The following XCR1 variants were observed in gnomAD, a reference collection of about 807,000 sequenced individuals.
XCR1 encodes X-C motif chemokine receptor 1, also known as chemokine XC receptor 1.
For synonymous variants in XCR1, 187 were observed against 188.5 expected, an observed-to-expected ratio of 0.99 and a Z score of 0.06; for missense variants, 356 against 424.2, an observed-to-expected ratio of 0.84 and a Z score of 1.41.
intron 1 of XCR1, chr3:46,022,335 C>CA (rs1484209013): frequency 5.9e-6 from 1 of 169,238 alleles, no homozygotes; most frequent in Non-Finnish European, 1.3e-5. Context: ...AAAAAGATGC[C>CA]AGACTCTTAG....
rs748003497 is a variant in XCR1 at position 46,021,418 on chromosome 3, T to C, written c.530A>G (p.Tyr177Cys). The change falls in exon 2 of 2, where the codon TAT (tyrosine) becomes TGT (cysteine). Residue 177 changes from tyrosine to cysteine, a missense_variant. Tyr to Cys is a radical substitution (Grantham distance 194). Transcript: ENST00000309285. This position sits in a 1 kb window ranked among gnomAD's most constrained non-coding sequence, Gnocchi z 4.7. ...GGTGAGGTACCACGTGAGTTCGGAA[T>C]AATCACAGCCCGAAGAAAGCACCTT... The part of the protein sequence containing the change: ...FHKVLSSGCD[Y>C]SELTWYLTSV... The C allele has an allele frequency of 6.2e-7, 1 of 1,614,030 alleles. No homozygotes were observed. Among genetic ancestry groups the C allele is most frequent in the Middle Eastern group, 1.6e-4 (1 of 6,062 alleles).
At chr3:46,029,644 C>T (rs770979826), upstream of XCR1, among the ~76,000 whole-genome samples, 1 of 152,148 alleles carries the variant, frequency 6.6e-6, no homozygotes, top group African/African-American at 2.4e-5. Flanking sequence ...GATTAAAGAG[C>T]CAGATGCAAG....
intron 5 of XCR1, among the ~76,000 whole-genome samples, chr3:46,034,033 C>T (rs774651261): frequency 6.6e-6 from 1 of 151,834 alleles, no homozygotes; most frequent in African/African-American, 2.4e-5. Context: ...AGTGCAGTGG[C>T]GTGATCCTGG....
At position 46,038,800 on chromosome 3, in the gene XCR1, AT is replaced by A. The variant is rs767319995; in HGVS notation, c.-32+15119del. 7.2e-5 allele frequency among the ~76,000 whole-genome samples: 11 copies of A among 152,378 alleles called. No individual in the cohort carries two copies. The South Asian group carries it at 1.4e-3, about 20-fold the overall frequency. Reference sequence around the variant, plus strand: ...GTAGGTGAGAATAATTTCCAAGGTAATTCAATTCAATCAACAATTTGAGTTG... The same window carrying A: ...GTAGGTGAGAATAATTTCCAAGGTAATCAATTCAATCAACAATTTGAGTTG... On this transcript the variant is annotated intron_variant, in intron 5 of 5. Transcript: ENST00000683768.
intron 1 of XCR1, chr3:46,024,079 C>G: frequency 1.1e-6 from 1 of 903,228 alleles, no homozygotes; most frequent in East Asian, 2.4e-5. Flanking sequence ...CAGTCTTCCT[C>G]CCTTGGATTT....
At chr3:46,022,091 G>C in intron 1 of XCR1, 113 bp from the exon 2 acceptor site, 14 of 949,934 alleles carry the variant, frequency 1.5e-5, no homozygotes, top group Non-Finnish European at 2.2e-5. Context: ...CTTGACCCCA[G>C]GAGTTTGAGA....
chr3:46,082,051 A>G (rs529194665), intron 1 of XCR1, among the ~76,000 whole-genome samples: 1 of 152,298 alleles, frequency 6.6e-6, no homozygotes, highest in Non-Finnish European at 1.5e-5. Context: ...CTGTGCCACT[A>G]AACTTAAAGG....
chr3:46,057,898 A>G (rs58260031), intron 4 of XCR1, among the ~76,000 whole-genome samples: 11,971 of 98,328 alleles, frequency 0.12, 601 homozygotes, highest in African/African-American at 0.29. Context: ...CTATCTATCT[A>G]TCTATCTATC....
chr3:46,063,369 G>T (rs191216811), intron 4 of XCR1, among the ~76,000 whole-genome samples: 1 of 152,290 alleles, frequency 6.6e-6, no homozygotes, highest in East Asian at 1.9e-4. Flanking sequence ...GCTTGGCAGG[G>T]CACACAGCCG....
intron 4 of XCR1, among the ~76,000 whole-genome samples, chr3:46,056,796 C>A (rs1254856608): frequency 6.6e-6 from 1 of 151,992 alleles, no homozygotes; most frequent in African/African-American, 2.4e-5. Context: ...CTGGCAGCTT[C>A]TTTGAAAGTT....
chr3:46,036,937 T>C (rs563757520), intron 5 of XCR1, among the ~76,000 whole-genome samples: 2 of 152,242 alleles, frequency 1.3e-5, no homozygotes, highest in East Asian at 1.9e-4. Context: ...AAATAAAAAA[T>C]GTGAGTAAGT....
In XCR1 at chr3:46,084,454, A is replaced by G. The variant is rs931203814; in HGVS notation, c.-515+1340T>C. Among the ~76,000 whole-genome samples, 28 of 152,230 alleles carry G rather than the reference A, an allele frequency of 1.8e-4. 1 individual carries two copies. The highest frequency in any genetic ancestry group is 6.5e-4 in the African/African-American group (27 of 41,444). ...TAATTACCTCTTGAAGCCACTTGCT[A>G]TGTGGACTCTAGACTAACTGATGCC... On this transcript the variant is annotated intron_variant, in intron 1 of 5. Transcript: ENST00000683768.
At chr3:46,060,411 T>C (rs1697938373) in intron 4 of XCR1, among the ~76,000 whole-genome samples, 2 of 152,248 alleles carry the variant, frequency 1.3e-5, no homozygotes, top group South Asian at 4.1e-4. Context: ...AAATATACTT[T>C]GTCTTCTTCT....
At chr3:46,029,740 T>G (rs1708364284), upstream of XCR1, among the ~76,000 whole-genome samples, 1 of 152,248 alleles carries the variant, frequency 6.6e-6, no homozygotes, top group South Asian at 2.1e-4. Context: ...GCATCGAATT[T>G]GTAGATCAGT....
intron 3 of XCR1, among the ~76,000 whole-genome samples, chr3:46,074,292 T>C (rs998146855): frequency 1.4e-5 from 2 of 141,930 alleles, no homozygotes; most frequent in African/African-American, 5.3e-5. Flanking sequence ...GGCACAATCA[T>C]GACTCATTGC....
In XCR1 at chr3:46,080,171, C is replaced by A. The variant is rs1224191619; in HGVS notation, c.-514-3245G>T. Among the ~76,000 whole-genome samples the A allele has an allele frequency of 1.0e-4, 14 of 137,558 alleles. No homozygotes were observed. In the East Asian group the frequency reaches 1.8e-3, roughly 18 times the overall value. The allele number at this position is 137,558 out of a possible 152,430, so 90.2% of individuals were successfully genotyped here. On this transcript the variant is annotated intron_variant, in intron 1 of 5. Coordinates refer to the XCR1 transcript ENST00000683768. ...CTGTACTCTGGCCTGGGCAACAGAACAAGTCCTTGTCTCAAAAAAAAAAAA... is the reference window on the plus strand; with the variant it reads ...CTGTACTCTGGCCTGGGCAACAGAAAAAGTCCTTGTCTCAAAAAAAAAAAA...
Position 46,055,061 on chromosome 3 carries a change from G to A in XCR1, c.-182-991C>T, listed in dbSNP as rs527889736. On this transcript the variant is annotated intron_variant, in intron 4 of 5. Coordinates refer to the XCR1 transcript ENST00000683768. Reference sequence around the variant, plus strand: ...TATATCCCTTGTTGCCCTCTGCAGTGTATTGAGTTCAGGCCAGGAAGAAGT... The same window carrying A: ...TATATCCCTTGTTGCCCTCTGCAGTATATTGAGTTCAGGCCAGGAAGAAGT... 1.2e-3 allele frequency among the ~76,000 whole-genome samples: 182 copies of A among 152,358 alleles called. 2 individuals are homozygous for A. The highest frequency in any genetic ancestry group is 6.8e-3 in the Middle Eastern group (2 of 294).
intron 4 of XCR1, among the ~76,000 whole-genome samples, chr3:46,057,698 C>T (rs565529113): frequency 6.6e-6 from 1 of 152,128 alleles, no homozygotes; most frequent in South Asian, 2.1e-4. Flanking sequence ...GAATGCAGAA[C>T]TGGTTTCCCT....
chr3:46,022,335 C>A, intron 1 of XCR1: 1 of 169,356 alleles, frequency 5.9e-6, no homozygotes, highest in Non-Finnish European at 1.3e-5. Context: ...AAAAAGATGC[C>A]AGACTCTTAG....
Sources: allele counts gnomAD v4.1 joint callset (sites outside exome capture counted in the v4.1 genomes callset), GRCh38; gene constraint gnomAD v4.1.1; non-coding constraint Gnocchi (gnomAD v3.1); transcripts MANE v1.5; gene names NCBI Gene and HGNC (gene_info 2026-07-23, HGNC 2026-07-21).